The following PCDH11X variants were observed in gnomAD, a reference collection of about 807,000 sequenced individuals.
The protein encoded by PCDH11X is protocadherin-11 X-linked.
A neutral mutation model predicts 53.3 loss-of-function variants in PCDH11X; 18 were observed. The ratio of observed to expected loss-of-function variants is 0.34; its 90% CI spans 0.23 to 0.50. The LOEUF (loss-of-function observed/expected upper bound fraction) is 0.50. Ranked by LOEUF, PCDH11X falls within the 20% of genes least tolerant of loss-of-function variation. PCDH11X has a pLI of 0.98. For missense variants in PCDH11X, 570 were observed against 1,032.4 expected, an observed-to-expected ratio of 0.55 and a Z score of 6.14; for synonymous variants, 279 against 393.3, an observed-to-expected ratio of 0.71 and a Z score of 3.44.
intron 8 of PCDH11X, among the ~76,000 whole-genome samples, chrX:92,303,979 T>C (rs896535415): frequency 7.2e-5 from 8 of 111,121 alleles, no homozygotes; most frequent in Non-Finnish European, 1.5e-4. Context: ...TAAGAACTCT[T>C]AGTTACCAGT....
intron 6 of PCDH11X, among the ~76,000 whole-genome samples, chrX:92,116,939 T>C (rs62606276): frequency 0.062 from 6,716 of 108,217 alleles, 442 homozygotes; most frequent in East Asian, 0.42. Flanking sequence ...AGCAGTGTTA[T>C]ATAGTATGTA....
intron 6 of PCDH11X, among the ~76,000 whole-genome samples, chrX:92,069,647 T>C (rs1310381702): frequency 4.5e-5 from 5 of 111,195 alleles, no homozygotes. Context: ...ATTTTTGCTT[T>C]GAGATTACCA....
intron 10 of PCDH11X, among the ~76,000 whole-genome samples, chrX:92,493,206 T>C (rs2073797736): frequency 9.0e-6 from 1 of 111,414 alleles, no homozygotes; most frequent in Non-Finnish European, 1.9e-5. Context: ...TTCAGTGAGA[T>C]AATTTACTTT....
At chrX:92,384,551 G>A (rs1439274224) in intron 8 of PCDH11X, among the ~76,000 whole-genome samples, 21 of 99,933 alleles carry the variant, frequency 2.1e-4, no homozygotes, top group Non-Finnish European at 1.6e-4. Context: ...CTGAGCATTT[G>A]GGGAGAGAGT....
chrX:91,922,170 G>A (rs961087926), intron 6 of PCDH11X, among the ~76,000 whole-genome samples: 2 of 111,671 alleles, frequency 1.8e-5, no homozygotes, highest in African/African-American at 6.5e-5. Flanking sequence ...TTATAACTCG[G>A]TAATAATAGC....
At chrX:92,058,008 C>T (rs1185015176) in intron 6 of PCDH11X, among the ~76,000 whole-genome samples, 1 of 96,848 alleles carries the variant, frequency 1.0e-5, no homozygotes, top group African/African-American at 4.5e-5. Flanking sequence ...TATTGTCCAT[C>T]TTGGTTACTC....
rs374977843 is a variant in PCDH11X, at chrX:92,255,416, C to T, written c.3115-7698C>T. On this transcript the variant is annotated intron_variant, in intron 7 of 10. Transcript: ENST00000682573. ...CTCCCGTAGCTCAGAGTAATTTGATCGTCTGAAGCCTTCTTCTCTCAGCTC... is the reference window on the plus strand; with the variant it reads ...CTCCCGTAGCTCAGAGTAATTTGATTGTCTGAAGCCTTCTTCTCTCAGCTC... Among the ~76,000 whole-genome samples, 41 of 104,644 alleles carry T rather than the reference C, an allele frequency of 3.9e-4. No homozygotes were observed. In the East Asian group the frequency reaches 0.011, roughly 29 times the overall value. 90.9% of individuals were successfully genotyped at this position (104,644 alleles called of 115,157 possible).
intron 6 of PCDH11X, among the ~76,000 whole-genome samples, chrX:92,088,707 T>C (rs2759953): frequency 8.9e-6 from 1 of 111,872 alleles, no homozygotes; most frequent in African/African-American, 3.2e-5. Context: ...GGAATGAATA[T>C]AAAATCCCCC....
At chrX:92,132,659 A>ATATGTG (rs2065010333) in intron 6 of PCDH11X, among the ~76,000 whole-genome samples, 1 of 55,896 alleles carries the variant, frequency 1.8e-5, no homozygotes, top group African/African-American at 9.5e-5. Context: ...ATATATATGT[A>ATATGTG]TATATATATG....
intron 6 of PCDH11X, among the ~76,000 whole-genome samples, chrX:91,901,578 A>G (rs1259874393): frequency 1.1e-4 from 12 of 110,821 alleles, no homozygotes; most frequent in South Asian, 7.8e-4. Flanking sequence ...AATTACTTTA[A>G]GGGGGATGTT....
At chrX:91,997,673 AT>A (rs761790978) in intron 6 of PCDH11X, among the ~76,000 whole-genome samples, 6 of 111,165 alleles carry the variant, frequency 5.4e-5, no homozygotes, top group South Asian at 3.7e-4. Context: ...ATTGAATATA[AT>A]TTTTTTTATA....
intron 8 of PCDH11X, among the ~76,000 whole-genome samples, chrX:92,364,674 T>C (rs1434167776): frequency 9.1e-6 from 1 of 110,041 alleles, no homozygotes; most frequent in Admixed American, 9.7e-5. Context: ...TAAACTTTTA[T>C]TTTTTTCTAA....
chrX:92,148,040 C>CTTTTT (rs1569388927), intron 6 of PCDH11X, among the ~76,000 whole-genome samples: 6 of 53,905 alleles, frequency 1.1e-4, no homozygotes, highest in African/African-American at 7.0e-4. Flanking sequence ...TTCCTTCTTT[C>CTTTTT]CCTTCCTTCC....
intron 6 of PCDH11X, among the ~76,000 whole-genome samples, chrX:92,200,036 G>T (rs1004833041): frequency 1.5e-4 from 17 of 111,165 alleles, no homozygotes; most frequent in African/African-American, 5.5e-4. Flanking sequence ...AAAAAAAAAA[G>T]TTAAATGTAC....
At chrX:91,831,209 G>A (rs1410677158) in intron 4 of PCDH11X, among the ~76,000 whole-genome samples, 1 of 110,861 alleles carries the variant, frequency 9.0e-6, no homozygotes, top group African/African-American at 3.3e-5. Context: ...TACAACTATT[G>A]CTTACCCAAC....
At chrX:92,342,188 T>C (rs2069778391) in intron 8 of PCDH11X, among the ~76,000 whole-genome samples, 1 of 111,672 alleles carries the variant, frequency 9.0e-6, no homozygotes, top group Non-Finnish European at 1.9e-5. Context: ...TAAAAATTAA[T>C]GGTTGCAGGG....
intron 10 of PCDH11X, among the ~76,000 whole-genome samples, chrX:92,599,390 G>A (rs1925993951): frequency 9.0e-6 from 1 of 110,938 alleles, no homozygotes. Flanking sequence ...GGGACCCAGT[G>A]GAGATAATTA....
chrX:92,452,332 T>G (rs1296777537), intron 9 of PCDH11X, among the ~76,000 whole-genome samples: 1 of 98,550 alleles, frequency 1.0e-5, no homozygotes, highest in African/African-American at 3.7e-5. Context: ...AATTTTGAAC[T>G]CTCTGTAAGA....
chrX:92,406,790 G>A (rs2071528028), intron 9 of PCDH11X, among the ~76,000 whole-genome samples: 1 of 107,326 alleles, frequency 9.3e-6, no homozygotes, highest in African/African-American at 3.4e-5. Context: ...AGCAGGACGT[G>A]GCAGTGGGCA....
Sources: allele counts gnomAD v4.1 joint callset (sites outside exome capture counted in the v4.1 genomes callset), GRCh38; gene constraint gnomAD v4.1.1; transcripts MANE v1.5; gene names NCBI Gene and HGNC (gene_info 2026-07-23, HGNC 2026-07-21).